Variants in TNIK observed in about 807,000 individuals in gnomAD.
TNIK encodes TRAF2 and NCK interacting kinase, also known as TRAF2 and NCK-interacting protein kinase.
Under a neutral mutation model 191.3 loss-of-function variants are expected in TNIK, and 49 were observed. The observed-to-expected ratio is 0.26, with a 90% CI of 0.20 to 0.32. The LOEUF is 0.32. Among genes scored for constraint, TNIK ranks in the 10% least tolerant of loss-of-function variants. TNIK has a pLI of 1.00. For missense variants in TNIK, 1,155 were observed against 1,702.3 expected, an observed-to-expected ratio of 0.68 and a Z score of 5.66; for synonymous variants, 594 against 600.9, an observed-to-expected ratio of 0.99 and a Z score of 0.17.
In TNIK at chr3:171,296,978, TC is replaced by T. The variant is rs1752357167; in HGVS notation, c.124-68758del. Among the ~76,000 whole-genome samples, 4 of 152,330 alleles carry T rather than the reference TC, an allele frequency of 2.6e-5. No homozygotes were observed. In the South Asian group the frequency reaches 8.3e-4, roughly 32 times the overall value. ...ATAACAGGAAGAACTTAATTTTTTT[TC>T]CTTCTACCTTCAGCTGTTTAAACCT... On this transcript the variant is annotated intron_variant, in intron 2 of 32. Coordinates refer to ENST00000436636, the MANE Select transcript of TNIK (RefSeq NM_015028.4).
chr3:171,274,529 A>G (rs921709739), intron 2 of TNIK, among the ~76,000 whole-genome samples: 19 of 152,234 alleles, frequency 1.2e-4, no homozygotes, highest in Admixed American at 1.1e-3. Context: ...AAAGTAATAT[A>G]AAAATGTTAT....
Position 171,250,247 on chromosome 3 carries a change from A to G in TNIK, c.124-22026T>C, listed in dbSNP as rs75391199. 5.5e-3 allele frequency among the ~76,000 whole-genome samples: 836 copies of G among 152,214 alleles called. 6 individuals are homozygous for G. Among genetic ancestry groups the G allele is most frequent in the African/African-American group, 0.019 (783 of 41,524 alleles). On this transcript the variant is annotated intron_variant, in intron 2 of 32. Transcript: ENST00000436636. ...CTTTCTGGTAATGCCAGCACCCTCT[A>G]ATTTTCATGGGACAGGCCTTGGAGA... is the stretch of plus-strand genomic sequence containing the variant.
chr3:171,339,798 T>C (rs1225420327), intron 2 of TNIK, among the ~76,000 whole-genome samples: 1 of 152,232 alleles, frequency 6.6e-6, no homozygotes, highest in Non-Finnish European at 1.5e-5. Context: ...ATTGTGTGCC[T>C]TGGCTGCCAG....
chr3:171,367,435 C>A (rs1468379504), intron 2 of TNIK, among the ~76,000 whole-genome samples: 12 of 115,924 alleles, frequency 1.0e-4, no homozygotes, highest in African/African-American at 3.6e-4. Context: ...AGTTATAATT[C>A]TTTAAGTAAA....
chr3:171,444,022 A>T (rs1727170956), intron 1 of TNIK, among the ~76,000 whole-genome samples: 2 of 152,134 alleles, frequency 1.3e-5, no homozygotes. Context: ...TAGTTCTTCT[A>T]TGAGGGGAGG....
At chr3:171,227,248 T>G (rs1163324774) in intron 3 of TNIK, among the ~76,000 whole-genome samples, 2 of 152,236 alleles carry the variant, frequency 1.3e-5, no homozygotes, top group African/African-American at 4.8e-5. Context: ...AAATAAAATC[T>G]ATTTCTTAGA....
At chr3:171,258,706 G>A (rs1455953996) in intron 2 of TNIK, among the ~76,000 whole-genome samples, 1 of 152,098 alleles carries the variant, frequency 6.6e-6, no homozygotes, top group Non-Finnish European at 1.5e-5. Flanking sequence ...ACCATGCCAG[G>A]ACCTGCCCTC....
chr3:171,308,663 C>CA (rs1753708619), intron 2 of TNIK, among the ~76,000 whole-genome samples: 1 of 152,122 alleles, frequency 6.6e-6, no homozygotes, highest in Non-Finnish European at 1.5e-5. Context: ...ATGCATCTCA[C>CA]AAAGGCCTAA....
chr3:171,372,421 TGA>T (rs1056617615), intron 1 of TNIK, among the ~76,000 whole-genome samples: 3 of 152,188 alleles, frequency 2.0e-5, no homozygotes, highest in African/African-American at 7.2e-5. Flanking sequence ...TTATACTGTG[TGA>T]GTTTATTGGG....
intron 22 of TNIK, 51 bp from the exon 23 acceptor site, chr3:171,094,019 T>A: frequency 6.3e-7 from 1 of 1,589,244 alleles, no homozygotes; most frequent in Non-Finnish European, 8.6e-7. Context: ...AGGAAATATC[T>A]GTTTCCTGTC....
At chr3:171,241,380 C>CT (rs1744967934) in intron 2 of TNIK, among the ~76,000 whole-genome samples, 1 of 152,182 alleles carries the variant, frequency 6.6e-6, no homozygotes, top group African/African-American at 2.4e-5. Context: ...AGAACAAGTA[C>CT]TGTTATCAGA....
At chr3:171,071,639 A>C (rs149972053) in intron 28 of TNIK, among the ~76,000 whole-genome samples, 1 of 152,236 alleles carries the variant, frequency 6.6e-6, no homozygotes, top group East Asian at 1.9e-4. Context: ...GAATGTGCAT[A>C]ATTTCCTTCA....
chr3:171,420,905 A>G (rs938207418), intron 1 of TNIK, among the ~76,000 whole-genome samples: 2 of 152,204 alleles, frequency 1.3e-5, no homozygotes, highest in Non-Finnish European at 2.9e-5. Flanking sequence ...AGAGTGGGAC[A>G]GCTTGAGATT....
chr3:171,226,727 GA>G (rs1474841741), intron 3 of TNIK, among the ~76,000 whole-genome samples: 1 of 151,866 alleles, frequency 6.6e-6, no homozygotes, highest in Non-Finnish European at 1.5e-5. Flanking sequence ...AAAAATACAG[GA>G]ACAAAATATT....
intron 1 of TNIK, among the ~76,000 whole-genome samples, chr3:171,408,917 C>G (rs983872507): frequency 2.0e-5 from 3 of 152,158 alleles, no homozygotes; most frequent in African/African-American, 7.2e-5. Flanking sequence ...TCACTCGCAA[C>G]TGCACATCAG....
chr3:171,069,130 T>G (rs143382753), intron 29 of TNIK, 133 bp from the exon 30 acceptor site: 1 of 1,148,158 alleles, frequency 8.7e-7, no homozygotes, highest in East Asian at 2.4e-5. Flanking sequence ...TCTTTCAGTT[T>G]TAGGTCTGTT....
chr3:171,174,290 G>A (rs1034098138), intron 9 of TNIK, among the ~76,000 whole-genome samples: 6 of 152,060 alleles, frequency 3.9e-5, no homozygotes, highest in African/African-American at 7.2e-5. Context: ...CCAGTCAAGC[G>A]CCTGATCATG....
chr3:171,376,347 C>G (rs1266978872), intron 1 of TNIK, among the ~76,000 whole-genome samples: 3 of 152,098 alleles, frequency 2.0e-5, no homozygotes, highest in Admixed American at 1.3e-4. Context: ...CTTTAACTTC[C>G]CCTCTTCTAA....
At chr3:171,206,793 C>T (rs998739788) in intron 4 of TNIK, among the ~76,000 whole-genome samples, 1 of 152,002 alleles carries the variant, frequency 6.6e-6, no homozygotes, top group East Asian at 1.9e-4. Flanking sequence ...TGCAAAAGGG[C>T]GAAAAAGAGT....
Sources: allele counts gnomAD v4.1 joint callset (sites outside exome capture counted in the v4.1 genomes callset), GRCh38; gene constraint gnomAD v4.1.1; transcripts MANE v1.5; gene names NCBI Gene and HGNC (gene_info 2026-07-23, HGNC 2026-07-21).